ZC3H7B: variants seen among roughly 807,000 people sequenced by gnomAD.
The protein encoded by ZC3H7B is zinc finger CCCH domain-containing protein 7B.
In ZC3H7B, 35 loss-of-function variants were observed where a neutral mutation model predicts 116.0. The observed-to-expected ratio is 0.30, with a 90% CI of 0.23 to 0.40. The LOEUF is 0.40. Ranked by LOEUF, ZC3H7B falls within the 10% of genes least tolerant of loss-of-function variation. The probability of loss-of-function intolerance (pLI) is 1.00; values close to 1 mark genes in which losing one functional copy is unlikely to be tolerated. For missense variants in ZC3H7B, 1,011 were observed against 1,321.5 expected, an observed-to-expected ratio of 0.77 and a Z score of 3.64; for synonymous variants, 502 against 545.6, an observed-to-expected ratio of 0.92 and a Z score of 1.11.
At chr22:41,343,650 C>T in intron 13 of ZC3H7B, 74 bp downstream of exon 13, 2 of 1,470,982 alleles carry the variant, frequency 1.4e-6, no homozygotes, top group Non-Finnish European at 1.8e-6. Context: ...GCTCTACTCC[C>T]CATCACAGGT....
In ZC3H7B at chr22:41,356,656, C is replaced by T. The variant is rs1374290568; in HGVS notation, c.2529C>T (p.His843=). ...GGCTGTGCTCCCAGATGGGCTACCA[C>T]TGCTGGCTCTGCGGCAAGAACAGCA... is the stretch of plus-strand genomic sequence containing the variant. ...TDYADIMMGY[H]CWLCGKNSNS... The change falls in exon 22 of 23, where the codon CAC becomes CAT. Residue 843 remains histidine, a synonymous_variant. Coordinates refer to ENST00000352645, the MANE Select transcript of ZC3H7B (RefSeq NM_017590.6). The T allele has an allele frequency of 1.9e-6, 3 of 1,613,512 alleles. No homozygotes were observed. Among genetic ancestry groups the T allele is most frequent in the Non-Finnish European group, 2.5e-6 (3 of 1,179,984 alleles).
Position 41,343,430 on chromosome 22 carries a change from A to G in ZC3H7B, c.1313A>G (p.Asp438Gly). 6.2e-7 allele frequency: 1 copy of G among 1,612,172 alleles called. No homozygotes were observed. Among genetic ancestry groups the G allele is most frequent in the Non-Finnish European group, 8.5e-7 (1 of 1,178,660 alleles). ...CTGCCCATAGGCCCCCGGGCTGGCG[A>G]CTACACCTACCGTGAGGGCCTTGAG... is the stretch of plus-strand genomic sequence containing the variant. ...CYPKTGPRAG[D>G]YTYREGLEHK... The change falls in exon 13 of 23, where the codon GAC becomes GGC. Residue 438 changes from aspartate to glycine, a missense_variant. By Grantham distance (94) the Asp-to-Gly change is moderately conservative. Coordinates refer to ENST00000352645, the MANE Select transcript of ZC3H7B (RefSeq NM_017590.6).
intron 1 of ZC3H7B, 108 bp from the exon 2 acceptor site, chr22:41,320,547 A>C (rs1306878549): frequency 8.0e-7 from 1 of 1,244,046 alleles, no homozygotes; most frequent in African/African-American, 1.5e-5. Context: ...TGGGGAAGGG[A>C]ATGAGAGTGG....
chr22:41,330,147 G>T, intron 6 of ZC3H7B, 44 bp downstream of exon 6: 1 of 1,604,798 alleles, frequency 6.2e-7, no homozygotes. Context: ...TGGACGTGAG[G>T]AGGTCTGAAG....
Position 41,338,375 on chromosome 22 carries a change from G to T in ZC3H7B, c.625+20G>T, listed in dbSNP as rs1290149057. 18 of 1,612,238 alleles carry T rather than the reference G, an allele frequency of 1.1e-5. No individual in the cohort carries two copies. The highest frequency in any genetic ancestry group is 1.5e-5 in the Non-Finnish European group (18 of 1,179,300). On this transcript the variant is annotated intron_variant, in intron 8 of 22. Transcript: ENST00000352645. This position sits in a 1 kb window ranked among gnomAD's most constrained non-coding sequence, Gnocchi z 4.5. ...AAACAGGTAATGTCCCCGATACGAG[G>T]GAACAAGTGGAAATTGGGGCCCCGA...
chr22:41,320,626 T>A, intron 1 of ZC3H7B, 29 bp from the exon 2 acceptor site: 1 of 1,613,418 alleles, frequency 6.2e-7, no homozygotes, highest in Non-Finnish European at 8.5e-7. Context: ...TCTTGCTGAC[T>A]GACTGATGGA....
intron 10 of ZC3H7B, among the ~76,000 whole-genome samples, chr22:41,340,553 G>A (rs974371217): frequency 6.6e-6 from 1 of 152,112 alleles, no homozygotes; most frequent in African/African-American, 2.4e-5. Flanking sequence ...TTGTCTGGGC[G>A]CTGGTGGGGC....
At chr22:41,343,302 G>C (rs1240702879) in intron 12 of ZC3H7B, 113 bp from the exon 13 acceptor site, 1 of 1,370,998 alleles carries the variant, frequency 7.3e-7, no homozygotes, top group South Asian at 1.5e-5. Flanking sequence ...GGCCCTCAGA[G>C]GGGAGGTAGG....
In ZC3H7B at chr22:41,357,328, G is replaced by A. The variant is rs1255295179; in HGVS notation, c.2833G>A (p.Asp945Asn). The A allele has an allele frequency of 1.2e-6, 2 of 1,613,732 alleles. No individual in the cohort carries two copies. The highest frequency in any genetic ancestry group is 1.7e-5 in the Admixed American group (1 of 60,026). The change falls in exon 23 of 23, where the codon GAC becomes AAC. Residue 945 changes from aspartate (D) to asparagine (N), a missense_variant. By Grantham distance (23) the Asp-to-Asn change is conservative. This residue lies in a region of ZC3H7B where 406 missense variants were observed against 590.2 expected (regional missense o/e 0.69). Coordinates refer to ENST00000352645, the MANE Select transcript of ZC3H7B (RefSeq NM_017590.6). The surrounding 1 kb of genome is among the most constrained non-coding windows in gnomAD (Gnocchi z 5.4). ...CATGCTGCTGTGCCCACGGGACGAC[G>A]ACTTTGGCAAATACAACTTCCTGCT... is the stretch of plus-strand genomic sequence containing the variant. The part of the protein sequence containing the change: ...KDMLLCPRDD[D>N]FGKYNFLLQE...
At chr22:41,353,373 A>G (rs554853121) in intron 17 of ZC3H7B, among the ~76,000 whole-genome samples, 17 of 152,274 alleles carry the variant, frequency 1.1e-4, no homozygotes, top group African/African-American at 4.1e-4. Context: ...ATTCCTGTCC[A>G]TCACCCCCAG....
intron 1 of ZC3H7B, among the ~76,000 whole-genome samples, chr22:41,311,054 C>T (rs909909066): frequency 8.6e-5 from 13 of 151,502 alleles, no homozygotes; most frequent in East Asian, 3.9e-4. Context: ...TGTGAGCCAC[C>T]GCGCCCAGCC....
At chr22:41,314,762 A>G (rs5996018) in intron 1 of ZC3H7B, among the ~76,000 whole-genome samples, 6,704 of 150,880 alleles carry the variant, frequency 0.044, 495 homozygotes, top group African/African-American at 0.15. Flanking sequence ...GGCGTGTGCC[A>G]CCACACCTGG....
chr22:41,347,802 G>T (rs1400919794), intron 14 of ZC3H7B, among the ~76,000 whole-genome samples: 1 of 152,070 alleles, frequency 6.6e-6, no homozygotes, highest in Non-Finnish European at 1.5e-5. Flanking sequence ...TTTTTGACAT[G>T]AAGTAACCCC....
In ZC3H7B at chr22:41,349,573, G is replaced by A. The variant is rs991261581; in HGVS notation, c.1948+272G>A. 1.3e-5 allele frequency among the ~76,000 whole-genome samples: 2 copies of A among 152,152 alleles called. No individual in the cohort carries two copies. Among genetic ancestry groups the A allele is most frequent in the Non-Finnish European group, 2.9e-5 (2 of 68,020 alleles). The stretch of plus-strand genomic sequence containing the variant: ...GGCACCGTCCAGGGAGCACGGAGAG[G>A]GGAGAGGAGCACCTGGGCTCCTGCA... On this transcript the variant is annotated intron_variant, in intron 16 of 22. Transcript: ENST00000352645. This position sits in a 1 kb window ranked among gnomAD's most constrained non-coding sequence, Gnocchi z 4.9.
intron 11 of ZC3H7B, 88 bp from the exon 12 acceptor site, chr22:41,342,441 A>G: frequency 1.6e-6 from 2 of 1,269,832 alleles, no homozygotes; most frequent in African/African-American, 1.5e-5. Flanking sequence ...GGGGTCATAG[A>G]GCACTCCCCA....
rs974827793 is a variant in ZC3H7B, at chr22:41,302,245, G to A, written c.-7+473G>A. ...CTTTTGTGTTGTCCTTGGCCCCGCA[G>A]CACCCGGAGTTGGAGGGGCCGCGGC... On this transcript the variant is annotated intron_variant, in intron 1 of 22. Coordinates refer to ENST00000352645, the MANE Select transcript of ZC3H7B (RefSeq NM_017590.6). The surrounding 1 kb of genome is among the most constrained non-coding windows in gnomAD (Gnocchi z 5.7). Among the ~76,000 whole-genome samples the A allele has an allele frequency of 1.3e-5, 2 of 151,568 alleles. No homozygotes were observed. The highest frequency in any genetic ancestry group is 2.9e-5 in the Non-Finnish European group (2 of 67,820).
rs1555959686 is a variant in ZC3H7B, at chr22:41,346,984, A to AAAG, written c.1665+777_1665+778insAGA. On this transcript the variant is annotated intron_variant, in intron 14 of 22. Coordinates refer to ENST00000352645, the MANE Select transcript of ZC3H7B (RefSeq NM_017590.6). This position sits in a 1 kb window ranked among gnomAD's most constrained non-coding sequence, Gnocchi z 5.3. The stretch of plus-strand genomic sequence containing the variant: ...CCTATTCCAAAAAAAAAAAAAAAAA[A>AAAG]ATGTCATTTCCATCGTCACGGCAGT... Among the ~76,000 whole-genome samples, 1 of 148,696 alleles carries AAAG rather than the reference A, an allele frequency of 6.7e-6. No individual in the cohort carries two copies. The highest frequency in any genetic ancestry group is 2.5e-5 in the African/African-American group (1 of 39,552).
intron 1 of ZC3H7B, among the ~76,000 whole-genome samples, chr22:41,315,488 C>T (rs949101685): frequency 3.3e-5 from 5 of 151,972 alleles, no homozygotes; most frequent in Admixed American, 1.3e-4. Flanking sequence ...CCGTACCTCC[C>T]TCTTTAACTG....
In ZC3H7B at chr22:41,343,537, A is replaced by C; in HGVS notation, c.1420A>C (p.Thr474Pro). Reference protein sequence around the residue: ...QTWKRIRPRPTKTSFVGSYYL... With the variant: ...QTWKRIRPRPPKTSFVGSYYL... ...CTGGAAGCGGATCCGGCCCCGGCCC[A>C]CTAAGACCAGCTTCGTGGGCTCCTA... is the stretch of plus-strand genomic sequence containing the variant. Residue 474 changes from threonine (T) to proline (P), a missense_variant, in exon 13 of 23, where the codon ACT becomes CCT. Physicochemically the swap from Thr to Pro is conservative, Grantham distance 38. Transcript: ENST00000352645. 2 of 1,612,598 alleles carry C rather than the reference A, an allele frequency of 1.2e-6. No homozygotes were observed. Among genetic ancestry groups the C allele is most frequent in the Non-Finnish European group, 8.5e-7 (1 of 1,179,290 alleles).
Sources: gnomAD v4.1 joint callset for allele counts (sites outside exome capture counted in the v4.1 genomes callset) on GRCh38, gnomAD v4.1.1 for gene constraint, gnomAD v4.1.1 regional missense constraint, Gnocchi (gnomAD v3.1) non-coding constraint, MANE v1.5 for transcripts, NCBI Gene and HGNC (gene_info 2026-07-23, HGNC 2026-07-21) for gene names.